The following PTPRT variants were observed in gnomAD, a reference collection of about 807,000 sequenced individuals.
PTPRT encodes receptor-type tyrosine-protein phosphatase T.
In PTPRT, 56 loss-of-function variants were observed where a neutral mutation model predicts 176.8. The ratio of observed to expected loss-of-function variants is 0.32; its 90% CI spans 0.26 to 0.40. PTPRT has a LOEUF of 0.40. Ranked by LOEUF, PTPRT falls within the 10% of genes least tolerant of loss-of-function variation. PTPRT has a pLI of 1.00. For synonymous variants in PTPRT, 783 were observed against 739.0 expected (o/e 1.06, Z -0.96); for missense variants, 1,540 against 1,908.2 (o/e 0.81, Z 3.60).
intron 9 of PTPRT, among the ~76,000 whole-genome samples, chr20:42,430,449 A>G (rs2059205854): frequency 6.6e-6 from 1 of 152,114 alleles, no homozygotes; most frequent in South Asian, 2.1e-4. Flanking sequence ...CTTTCCTAAA[A>G]AGCTCCCAGG....
chr20:42,892,724 C>T (rs1373707658), intron 1 of PTPRT, among the ~76,000 whole-genome samples: 1 of 152,134 alleles, frequency 6.6e-6, no homozygotes, highest in Non-Finnish European at 1.5e-5. Context: ...TTGGGGGAGA[C>T]GTCAGCACTG....
At chr20:42,368,200 A>G (rs371418314) in intron 9 of PTPRT, among the ~76,000 whole-genome samples, 1 of 152,186 alleles carries the variant, frequency 6.6e-6, no homozygotes, top group African/African-American at 2.4e-5. Flanking sequence ...GTGGGGAAGA[A>G]CAAGGACATA....
At chr20:42,700,914 T>C (rs1055351955) in intron 6 of PTPRT, among the ~76,000 whole-genome samples, 1 of 152,164 alleles carries the variant, frequency 6.6e-6, no homozygotes, top group Non-Finnish European at 1.5e-5. Context: ...GGGAGTAAGA[T>C]GGACATTCTG....
intron 13 of PTPRT, among the ~76,000 whole-genome samples, chr20:42,264,995 A>G (rs1568721643): frequency 6.6e-6 from 1 of 152,176 alleles, no homozygotes; most frequent in Non-Finnish European, 1.5e-5. Context: ...CTGGACCTCA[A>G]TTTCCTCATC....
intron 5 of PTPRT, 73 bp from the exon 6 acceptor site, chr20:42,756,709 T>C: frequency 2.3e-6 from 3 of 1,304,110 alleles, no homozygotes; most frequent in Non-Finnish European, 1.0e-6. Flanking sequence ...CCAACACGGA[T>C]ATCCACCCAT....
chr20:43,079,183 C>T (rs1413125410), intron 1 of PTPRT, among the ~76,000 whole-genome samples: 2 of 130,082 alleles, frequency 1.5e-5, no homozygotes, highest in Non-Finnish European at 3.3e-5. Context: ...TCCCTCCCCC[C>T]CCCCAGCCCC....
Position 43,102,266 on chromosome 20 carries a change from G to A in PTPRT, c.88+87380C>T, listed in dbSNP as rs185024704. 1.3e-4 allele frequency among the ~76,000 whole-genome samples: 16 copies of A among 120,930 alleles called. No homozygotes were observed. The East Asian group carries it at 3.6e-3, about 27-fold the overall frequency. 79.3% of individuals were successfully genotyped at this position (120,930 alleles called of 152,430 possible). The stretch of plus-strand genomic sequence containing the variant: ...ACTGGACATCTCTCTCTCTCTCTCT[G>A]TCTCTTTCACTCACACATCACACAC... On this transcript the variant is annotated intron_variant, in intron 1 of 30. Transcript: ENST00000373187.
intron 6 of PTPRT, among the ~76,000 whole-genome samples, chr20:42,694,379 G>A (rs2075840650): frequency 6.6e-6 from 1 of 152,172 alleles, no homozygotes; most frequent in East Asian, 1.9e-4. Flanking sequence ...ATTTATTTTT[G>A]TTGCTGTGTA....
intron 27 of PTPRT, among the ~76,000 whole-genome samples, chr20:42,092,568 T>C (rs1408329718): frequency 6.6e-6 from 1 of 152,190 alleles, no homozygotes; most frequent in Non-Finnish European, 1.5e-5. Flanking sequence ...AGGTTTCTTT[T>C]TTACTGTTAC....
At position 42,495,704 on chromosome 20, in the gene PTPRT, T is replaced by C. The variant is rs77571885; in HGVS notation, c.1154-23142A>G. ...TTAAGACATAGGGGAAAATACAGGT[T>C]AAAATATAACAAATTCCCCAAACCT... On this transcript the variant is annotated intron_variant, in intron 7 of 30. Transcript: ENST00000373187. Among the ~76,000 whole-genome samples the C allele has an allele frequency of 5.0e-3, 756 of 152,284 alleles. 8 individuals carry two copies. Among genetic ancestry groups the C allele is most frequent in the African/African-American group, 0.017 (689 of 41,562 alleles).
chr20:42,431,922 C>A (rs2145803934), intron 9 of PTPRT, among the ~76,000 whole-genome samples: 1 of 152,274 alleles, frequency 6.6e-6, no homozygotes, highest in South Asian at 2.1e-4. Flanking sequence ...TAAGCATCAT[C>A]AAAAAGAACT....
At chr20:42,108,337 G>T (rs562994428) in intron 23 of PTPRT, among the ~76,000 whole-genome samples, 1 of 152,212 alleles carries the variant, frequency 6.6e-6, no homozygotes, top group African/African-American at 2.4e-5. Context: ...TTACTTATTA[G>T]CTGCATGACC....
intron 3 of PTPRT, among the ~76,000 whole-genome samples, chr20:42,789,340 G>A (rs992200696): frequency 4.6e-5 from 7 of 152,130 alleles, no homozygotes; most frequent in African/African-American, 1.2e-4. Flanking sequence ...GCTACTAAAC[G>A]TTTATAAATG....
intron 7 of PTPRT, among the ~76,000 whole-genome samples, chr20:42,579,694 C>CA (rs2073335922): frequency 3.9e-5 from 6 of 152,116 alleles, no homozygotes; most frequent in Admixed American, 3.9e-4. Context: ...CTTTTGGCTG[C>CA]AAAAATGTCT....
Position 43,045,478 on chromosome 20 carries a change from C to G in PTPRT, c.88+144168G>C, listed in dbSNP as rs868396595. 3.3e-5 allele frequency among the ~76,000 whole-genome samples: 4 copies of G among 120,160 alleles called. 1 individual carries two copies. The Middle Eastern group carries it at 0.019, about 583-fold the overall frequency. The allele number at this position is 120,160 out of a possible 152,430, so 78.8% of individuals were successfully genotyped here. A position where few individuals can be genotyped will look rare whatever the true frequency, so the allele number is the denominator to read the frequency against. On this transcript the variant is annotated intron_variant, in intron 1 of 30. Coordinates refer to ENST00000373187, the MANE Select transcript of PTPRT (RefSeq NM_007050.6). ...TCATTTTTTTTTTTTTTTTGAGTCA[C>G]AGTCTCGCTCTGTCACCTAGGCTGG...
chr20:42,385,652 C>T (rs567167781), intron 9 of PTPRT, among the ~76,000 whole-genome samples: 1 of 152,292 alleles, frequency 6.6e-6, no homozygotes, highest in African/African-American at 2.4e-5. Context: ...AATGGACTCA[C>T]AGTTCCACAT....
intron 7 of PTPRT, among the ~76,000 whole-genome samples, chr20:42,532,159 G>A (rs1294378387): frequency 6.6e-6 from 1 of 152,124 alleles, no homozygotes. Context: ...TGGAAGAAGT[G>A]TGTGGCTTAG....
intron 9 of PTPRT, among the ~76,000 whole-genome samples, chr20:42,407,627 T>A (rs2058974518): frequency 6.6e-6 from 1 of 152,150 alleles, no homozygotes; most frequent in Admixed American, 6.6e-5. Context: ...GCTTACCATC[T>A]CCATTTCTAT....
intron 1 of PTPRT, among the ~76,000 whole-genome samples, chr20:43,062,810 G>GAAATATA: frequency 6.6e-6 from 1 of 152,146 alleles, no homozygotes. Context: ...GTTACACAGG[G>GAAATATA]TGTAATTTCT....
Sources: gnomAD v4.1 joint callset for allele counts (sites outside exome capture counted in the v4.1 genomes callset) on GRCh38, gnomAD v4.1.1 for gene constraint, MANE v1.5 for transcripts, NCBI Gene and HGNC (gene_info 2026-07-23, HGNC 2026-07-21) for gene names.